ZNF831: variants seen among roughly 807,000 people sequenced by gnomAD.
ZNF831 encodes the protein chromosome 20 open reading frame 174.
A neutral mutation model predicts 95.8 loss-of-function variants in ZNF831; 59 were observed. The observed-to-expected ratio is 0.62, with a 90% CI of 0.50 to 0.77. The LOEUF is 0.77. Ranked by LOEUF, ZNF831 falls within the 30% of genes least tolerant of loss-of-function variation. ZNF831 has a pLI of 0.00. For missense variants in ZNF831, 2,205 were observed against 2,164.0 expected, an observed-to-expected ratio of 1.02 and a Z score of -0.38; for synonymous variants, 961 against 925.5, an observed-to-expected ratio of 1.04 and a Z score of -0.70.
chr20:59,240,643 T>G (rs1987276674), intron 4 of ZNF831, among the ~76,000 whole-genome samples: 3 of 151,462 alleles, frequency 2.0e-5, no homozygotes, highest in Admixed American at 6.6e-5. Context: ...CTACTAAAAA[T>G]ACAAAAAAAT....
At chr20:59,167,604 T>C (rs1981384793) in intron 1 of ZNF831, among the ~76,000 whole-genome samples, 1 of 152,186 alleles carries the variant, frequency 6.6e-6, no homozygotes, top group African/African-American at 2.4e-5. Flanking sequence ...TAAGACTGTT[T>C]TAAATATTTT....
chr20:59,142,847 C>G (rs1279618582), intron 1 of ZNF831, among the ~76,000 whole-genome samples: 1 of 152,134 alleles, frequency 6.6e-6, no homozygotes. Context: ...TGATTTTTGT[C>G]TTTTTAACCT....
chr20:59,166,992 G>A (rs1981324514), intron 1 of ZNF831, among the ~76,000 whole-genome samples: 1 of 152,206 alleles, frequency 6.6e-6, no homozygotes, highest in Non-Finnish European at 1.5e-5. Context: ...GATTTGTTAA[G>A]AAATGGCCAC....
intron 4 of ZNF831, among the ~76,000 whole-genome samples, chr20:59,209,229 C>T (rs1985122397): frequency 6.6e-6 from 1 of 152,134 alleles, no homozygotes; most frequent in South Asian, 2.1e-4. Flanking sequence ...CATGGATGAC[C>T]AAGTATCATC....
intron 4 of ZNF831, among the ~76,000 whole-genome samples, chr20:59,213,629 A>T (rs1985489158): frequency 6.6e-6 from 1 of 152,172 alleles, no homozygotes; most frequent in Non-Finnish European, 1.5e-5. Context: ...TTTCAGGTGA[A>T]AGCACCAGCA....
rs568961941 is a variant in ZNF831 at position 59,240,756 on chromosome 20, G to C, written c.4028-12222G>C. Among the ~76,000 whole-genome samples, 11 of 152,058 alleles carry C rather than the reference G, an allele frequency of 7.2e-5. 1 individual carries two copies. In the South Asian group the frequency reaches 2.1e-3, roughly 29 times the overall value. On this transcript the variant is annotated intron_variant, in intron 4 of 5. Coordinates refer to ENST00000371030, the MANE Select transcript of ZNF831 (RefSeq NM_178457.3). ...GGCGGAGCTTGCAGTGAGCCAAGAT[G>C]GCGCCACTGCACTCCAGCCTGGGCG...
intron 4 of ZNF831, among the ~76,000 whole-genome samples, chr20:59,251,976 T>C (rs1475784636): frequency 6.6e-6 from 1 of 152,000 alleles, no homozygotes; most frequent in Non-Finnish European, 1.5e-5. Flanking sequence ...GTTGAGAAGA[T>C]AGAGAGGTGG....
At chr20:59,180,817 T>C (rs1982562269) in intron 1 of ZNF831, among the ~76,000 whole-genome samples, 1 of 152,244 alleles carries the variant, frequency 6.6e-6, no homozygotes, top group African/African-American at 2.4e-5. Context: ...CTATTGTAAA[T>C]AGTGCTGCAA....
chr20:59,126,024 A>C (rs1979161159), intron 1 of ZNF831, among the ~76,000 whole-genome samples: 1 of 152,146 alleles, frequency 6.6e-6, no homozygotes, highest in South Asian at 2.1e-4. Flanking sequence ...TCAATCCATC[A>C]ACAAAGAGTT....
chr20:59,155,715 T>C (rs1980500167), intron 2 of ZNF831, among the ~76,000 whole-genome samples: 1 of 152,132 alleles, frequency 6.6e-6, no homozygotes, highest in Non-Finnish European at 1.5e-5. Flanking sequence ...TGTGGCTGCA[T>C]TAGATAATCC....
At chr20:59,173,307 C>T (rs1269992630) in intron 1 of ZNF831, among the ~76,000 whole-genome samples, 2 of 152,132 alleles carry the variant, frequency 1.3e-5, no homozygotes, top group Non-Finnish European at 2.9e-5. Context: ...GTAACTTGCA[C>T]CATTAATTTT....
At chr20:59,165,872 C>T (rs1046162810) in intron 1 of ZNF831, among the ~76,000 whole-genome samples, 1 of 152,134 alleles carries the variant, frequency 6.6e-6, no homozygotes, top group Non-Finnish European at 1.5e-5. Context: ...GCCTCAGCCT[C>T]CTGAGTAGCT....
intron 3 of ZNF831, among the ~76,000 whole-genome samples, chr20:59,200,933 A>T (rs928806246): frequency 6.6e-6 from 1 of 152,190 alleles, no homozygotes; most frequent in Admixed American, 6.5e-5. Context: ...AAATAAAATG[A>T]CTATAAATAT....
intron 4 of ZNF831, among the ~76,000 whole-genome samples, chr20:59,240,150 T>C (rs1316328321): frequency 7.2e-6 from 1 of 139,852 alleles, no homozygotes; most frequent in Non-Finnish European, 1.6e-5. Context: ...CCAGCTGCTG[T>C]CTATCCTCTG....
Position 59,193,299 on chromosome 20 carries a change from G to A in ZNF831, c.2280G>A (p.Gln760=), listed in dbSNP as rs1404699718. 3.1e-6 allele frequency: 5 copies of A among 1,611,516 alleles called. No individual in the cohort carries two copies. The highest frequency in any genetic ancestry group is 4.2e-6 in the Non-Finnish European group (5 of 1,178,946). ...SPNGRLELGW[Q]MPPAPGPLKG... ...ATGGGAGGCTGGAACTGGGGTGGCAGATGCCCCCAGCACCTGGCCCCCTCA... is the reference window on the plus strand; with the variant it reads ...ATGGGAGGCTGGAACTGGGGTGGCAAATGCCCCCAGCACCTGGCCCCCTCA... The change falls in exon 2 of 6, where the codon CAG becomes CAA. Residue 760 remains glutamine, a synonymous_variant. Coordinates refer to ENST00000371030, the MANE Select transcript of ZNF831 (RefSeq NM_178457.3).
intron 4 of ZNF831, among the ~76,000 whole-genome samples, chr20:59,231,429 C>A (rs987173776): frequency 2.0e-5 from 3 of 152,148 alleles, no homozygotes; most frequent in Admixed American, 6.5e-5. Context: ...GCTAAGATTT[C>A]CCTTATGCTT....
chr20:59,151,548 G>A (rs936912377), intron 2 of ZNF831, among the ~76,000 whole-genome samples: 3 of 152,136 alleles, frequency 2.0e-5, no homozygotes, highest in African/African-American at 7.2e-5. Flanking sequence ...AAATAACTTG[G>A]CCACAACTGG....
At chr20:59,222,307 G>A (rs1241087037) in intron 4 of ZNF831, among the ~76,000 whole-genome samples, 1 of 152,038 alleles carries the variant, frequency 6.6e-6, no homozygotes, top group Non-Finnish European at 1.5e-5. Flanking sequence ...GGGTGGGTGC[G>A]GACCCCTGGC....
rs776785506 is a variant in ZNF831 at position 59,194,707 on chromosome 20, G to A, written c.3688G>A (p.Gly1230Arg). The change falls in exon 2 of 6, where the codon GGA becomes AGA. Residue 1230 changes from glycine (G) to arginine (R), a missense_variant. Transcript: ENST00000371030. ...GPNGPPGSNGGWTWTSPGEGG... is the reference protein window; with the variant it reads ...GPNGPPGSNGRWTWTSPGEGG... ...CAATGGCCCTCCTGGGAGCAATGGA[G>A]GATGGACCTGGACAAGCCCTGGAGA... is the stretch of plus-strand genomic sequence containing the variant. The A allele has an allele frequency of 8.7e-6, 14 of 1,603,524 alleles. No individual in the cohort carries two copies. Among genetic ancestry groups the A allele is most frequent in the Non-Finnish European group, 6.0e-6 (7 of 1,175,072 alleles).
Sources: gnomAD v4.1 joint callset for allele counts (sites outside exome capture counted in the v4.1 genomes callset) on GRCh38, gnomAD v4.1.1 for gene constraint, MANE v1.5 for transcripts, NCBI Gene and HGNC (gene_info 2026-07-23, HGNC 2026-07-21) for gene names.